CDIN1: variants seen among roughly 807,000 people sequenced by gnomAD.
CDIN1 encodes the protein CDAN1-interacting nuclease 1.
In CDIN1, 33 loss-of-function variants were observed where a neutral mutation model predicts 45.3. That is an observed-to-expected ratio of 0.73 (90% CI 0.55 to 0.97). CDIN1 has a LOEUF of 0.97. CDIN1 is among the 50% of genes least tolerant of loss of function. The pLI, the probability that CDIN1 is intolerant of heterozygous loss-of-function variation, is 0.00. For missense variants in CDIN1, 303 were observed against 339.4 expected (o/e 0.89, Z 0.84); for synonymous variants, 118 against 124.4 (o/e 0.95, Z 0.34).
chr15:36,794,352 A>ATTT (rs1040593623), intron 10 of CDIN1, among the ~76,000 whole-genome samples: 1 of 152,070 alleles, frequency 6.6e-6, no homozygotes, highest in Admixed American at 6.5e-5. Context: ...CATCATAACT[A>ATTT]TTTTTAAGTG....
intron 1 of CDIN1, among the ~76,000 whole-genome samples, chr15:36,592,438 A>T (rs563377985): frequency 1.3e-5 from 2 of 152,324 alleles, no homozygotes; most frequent in South Asian, 4.1e-4. Context: ...ACTGCATTCT[A>T]TCGCCAGTCT....
intron 1 of CDIN1, among the ~76,000 whole-genome samples, chr15:36,605,205 C>T (rs1303986289): frequency 6.6e-6 from 1 of 152,052 alleles, no homozygotes; most frequent in African/African-American, 2.4e-5. Flanking sequence ...GTGTATAATA[C>T]TTTTGTAAAG....
intron 8 of CDIN1, chr15:36,705,273 G>T (rs2042821561): frequency 6.6e-6 from 1 of 152,092 alleles, no homozygotes; most frequent in African/African-American, 2.4e-5. Flanking sequence ...TAGAAAACAA[G>T]ATACTATCTA....
chr15:36,678,044 T>A (rs2041713565), intron 5 of CDIN1, among the ~76,000 whole-genome samples: 1 of 152,220 alleles, frequency 6.6e-6, no homozygotes, highest in African/African-American at 2.4e-5. Flanking sequence ...ATAGCTCTAG[T>A]CTAAGTTATT....
intron 5 of CDIN1, among the ~76,000 whole-genome samples, chr15:36,678,068 T>C (rs1460436607): frequency 6.6e-6 from 1 of 152,232 alleles, no homozygotes; most frequent in African/African-American, 2.4e-5. Flanking sequence ...TACATGATTA[T>C]GTGCTAGTTG....
intron 1 of CDIN1, among the ~76,000 whole-genome samples, chr15:36,622,403 A>G (rs941551499): frequency 6.6e-6 from 1 of 152,130 alleles, no homozygotes; most frequent in South Asian, 2.1e-4. Context: ...ATTGTGGAGT[A>G]GAGAGAGGCA....
intron 8 of CDIN1, chr15:36,702,251 G>C (rs1266711365): frequency 1.5e-6 from 1 of 648,146 alleles, no homozygotes; most frequent in Non-Finnish European, 2.8e-6. Context: ...TTGAGGGTGG[G>C]AGGTGGGGGA....
At chr15:36,604,418 TACACACACACACAC>T (rs144533313) in intron 1 of CDIN1, among the ~76,000 whole-genome samples, 2 of 128,806 alleles carry the variant, frequency 1.6e-5, no homozygotes, top group Admixed American at 7.9e-5. Flanking sequence ...TTTTAAAAGG[TACACACACACACAC>T]ACACACACAC....
chr15:36,644,349 G>C, intron 2 of CDIN1, 26 bp downstream of exon 2: 1 of 1,602,294 alleles, frequency 6.2e-7, no homozygotes, highest in Non-Finnish European at 8.5e-7. Flanking sequence ...CTTTGTGAGG[G>C]TTGACAGGTG....
chr15:36,670,720 AT>A (rs576274319), intron 5 of CDIN1, among the ~76,000 whole-genome samples: 22 of 151,996 alleles, frequency 1.4e-4, no homozygotes, highest in Non-Finnish European at 2.6e-4. Flanking sequence ...TTATTTTTGA[AT>A]TATTTCTTGT....
intron 10 of CDIN1, among the ~76,000 whole-genome samples, chr15:36,761,081 C>T (rs2053748952): frequency 6.6e-6 from 1 of 152,172 alleles, no homozygotes; most frequent in Non-Finnish European, 1.5e-5. Context: ...GATACGCCTT[C>T]ACCGGCACAT....
intron 10 of CDIN1, among the ~76,000 whole-genome samples, chr15:36,713,046 A>G (rs2043110141): frequency 6.6e-6 from 1 of 152,188 alleles, no homozygotes; most frequent in Non-Finnish European, 1.5e-5. Flanking sequence ...TTTTATACTG[A>G]GATGATGACT....
At chr15:36,767,841 A>G (rs1002051810) in intron 10 of CDIN1, among the ~76,000 whole-genome samples, 3 of 152,210 alleles carry the variant, frequency 2.0e-5, no homozygotes, top group Non-Finnish European at 4.4e-5. Flanking sequence ...TTGTAAAAGG[A>G]GGCTGATCCA....
chr15:36,579,845 T>G lies in CDIN1; in HGVS notation c.-16T>G, dbSNP rs757062532. 2 of 1,608,374 alleles carry G rather than the reference T, an allele frequency of 1.2e-6. No individual in the cohort carries two copies. On this transcript the variant is annotated 5_prime_UTR_variant, in exon 1 of 11. Coordinates refer to ENST00000566621, the MANE Select transcript of CDIN1 (RefSeq NM_001321759.2). The stretch of plus-strand genomic sequence containing the variant: ...TTTTTTCCTTGTTCCCGCCACCTCC[T>G]GGTCCCTGGCCCAACATGATACTGA...
intron 10 of CDIN1, chr15:36,804,488 A>C (rs1167546489): frequency 1.3e-5 from 2 of 151,922 alleles, no homozygotes; most frequent in Non-Finnish European, 2.9e-5. Flanking sequence ...TGTGTTAGGC[A>C]TGGAGGTCAT....
At chr15:36,710,066 C>T in intron 10 of CDIN1, 105 bp downstream of exon 10, 1 of 702,116 alleles carries the variant, frequency 1.4e-6, no homozygotes, top group Non-Finnish European at 2.3e-6. Context: ...GCCGTTGTTT[C>T]TAGTAAATAC....
Position 36,766,719 on chromosome 15 carries a change from T to C in CDIN1, c.717-41605T>C, listed in dbSNP as rs111292644. On this transcript the variant is annotated intron_variant, in intron 10 of 10. Coordinates refer to ENST00000566621, the MANE Select transcript of CDIN1 (RefSeq NM_001321759.2). ...ACCTATTGGCCATTTGTATGTCTTC[T>C]TTGGAAAAATGTCTATTCAACTCCT... Among the ~76,000 whole-genome samples, 164 of 152,342 alleles carry C rather than the reference T, an allele frequency of 1.1e-3. 1 individual carries two copies. Among genetic ancestry groups the C allele is most frequent in the African/African-American group, 3.5e-3 (145 of 41,574 alleles).
intron 5 of CDIN1, among the ~76,000 whole-genome samples, chr15:36,678,357 C>T (rs1415131384): frequency 2.6e-5 from 4 of 152,162 alleles, no homozygotes; most frequent in Non-Finnish European, 5.9e-5. Context: ...TATCCAAAGG[C>T]GTTAAACCAT....
At chr15:36,619,461 T>G (rs943291719) in intron 1 of CDIN1, among the ~76,000 whole-genome samples, 3 of 148,900 alleles carry the variant, frequency 2.0e-5, no homozygotes, top group African/African-American at 7.6e-5. Flanking sequence ...TTATAAATGC[T>G]GGAGGATTTC....
Sources: gnomAD v4.1 joint callset for allele counts (sites outside exome capture counted in the v4.1 genomes callset) on GRCh38, gnomAD v4.1.1 for gene constraint, MANE v1.5 for transcripts, NCBI Gene and HGNC (gene_info 2026-07-23, HGNC 2026-07-21) for gene names.